AOPEP: variants seen among roughly 807,000 people sequenced by gnomAD.
AOPEP encodes the protein aminopeptidase O (putative), also known as aminopeptidase O.
In AOPEP, 77 loss-of-function variants were observed where a neutral mutation model predicts 98.1. That is an observed-to-expected ratio of 0.78 (90% confidence interval 0.65 to 0.95). The LOEUF is 0.95. Among genes scored for constraint, AOPEP ranks in the 40% least tolerant of loss-of-function variants. AOPEP has a pLI of 0.00. For synonymous variants in AOPEP, 346 were observed against 365.3 expected, an observed-to-expected ratio of 0.95 and a Z score of 0.60; for missense variants, 1,024 against 1,024.7, an observed-to-expected ratio of 1.00 and a Z score of 0.01.
At position 94,933,185 on chromosome 9, in the gene AOPEP, C is replaced by T. The variant is rs2055659362; in HGVS notation, c.1661+4654C>T. 1.3e-5 allele frequency: 13 copies of T among 985,562 alleles called. 1 individual carries two copies. Among genetic ancestry groups the T allele is most frequent in the Non-Finnish European group, 1.3e-5 (11 of 829,986 alleles). 61.1% of individuals were successfully genotyped at this position (985,562 alleles called of 1,614,324 possible). On this transcript the variant is annotated intron_variant, in intron 7 of 16. Transcript: ENST00000375315. ...CTGCCTACAAGGTCCCCTCCTGACT[C>T]GTGCAGCAGTGGTGGCTCTTGCCTG...
chr9:95,120,359 T>C, the AOPEP span, among the ~76,000 whole-genome samples: 1 of 152,160 alleles, frequency 6.6e-6, no homozygotes, highest in Non-Finnish European at 1.5e-5. Flanking sequence ...TTCTGATCTA[T>C]CTATGGCTGT....
intron 1 of AOPEP, among the ~76,000 whole-genome samples, chr9:94,745,396 C>T (rs1734149865): frequency 1.3e-5 from 2 of 152,058 alleles, no homozygotes; most frequent in South Asian, 4.2e-4. Flanking sequence ...CTGCCTCAGC[C>T]TCTGGAGCAG....
rs188415322 is a variant in AOPEP, at chr9:94,818,402, T to G, written c.1364+17400T>G. ...TAAAATAATAGCTCCAGGGAGAAAA[T>G]AAAAATAGGTATGGTGACTTAGCAT... On this transcript the variant is annotated intron_variant, in intron 5 of 16. Transcript: ENST00000375315. Among the ~76,000 whole-genome samples, 11 of 152,212 alleles carry G rather than the reference T, an allele frequency of 7.2e-5. 1 individual carries two copies. In the East Asian group the frequency reaches 1.9e-3, roughly 27 times the overall value.
intron 3 of AOPEP, among the ~76,000 whole-genome samples, chr9:94,787,042 C>A (rs964202886): frequency 5.9e-5 from 9 of 152,146 alleles, no homozygotes; most frequent in African/African-American, 2.2e-4. Context: ...ATCTTGAGCA[C>A]TTAAAGTATG....
chr9:94,847,181 G>GTC (rs1201526989), intron 5 of AOPEP, among the ~76,000 whole-genome samples: 4 of 112,072 alleles, frequency 3.6e-5, no homozygotes, highest in Non-Finnish European at 8.3e-5. Context: ...CTCTCTCTCT[G>GTC]TCTCTGTCTC....
chr9:95,056,101 G>A (rs1564580829), intron 13 of AOPEP, among the ~76,000 whole-genome samples: 1 of 152,134 alleles, frequency 6.6e-6, no homozygotes, highest in Non-Finnish European at 1.5e-5. Flanking sequence ...CCATTGATCC[G>A]CTTTTAGTCT....
At chr9:95,109,099 G>GAGAC in the AOPEP span, among the ~76,000 whole-genome samples, 1 of 152,092 alleles carries the variant, frequency 6.6e-6, no homozygotes, top group Admixed American at 6.5e-5. Flanking sequence ...TTTTTTTGTA[G>GAGAC]AGACAGGGGT....
chr9:94,922,634 T>C (rs1303102759), intron 5 of AOPEP, among the ~76,000 whole-genome samples: 1 of 147,712 alleles, frequency 6.8e-6, no homozygotes, highest in Non-Finnish European at 1.5e-5. Context: ...TCCTTCCTTG[T>C]TTTTTTTTTT....
intron 1 of AOPEP, among the ~76,000 whole-genome samples, chr9:94,731,698 G>T (rs1023612555): frequency 2.0e-5 from 3 of 150,946 alleles, no homozygotes; most frequent in African/African-American, 7.3e-5. Flanking sequence ...GTCTCTCGTT[G>T]GTAAAAGAAA....
At chr9:94,963,804 G>A (rs10993409) in intron 9 of AOPEP, among the ~76,000 whole-genome samples, 11,979 of 152,254 alleles carry the variant, frequency 0.079, 1,186 homozygotes, top group African/African-American at 0.23. Flanking sequence ...AAAGAAAGAA[G>A]ACAGACGAAA....
At position 94,859,725 on chromosome 9, in the gene AOPEP, G is replaced by T. The variant is rs566039833; in HGVS notation, c.1364+58723G>T. Among the ~76,000 whole-genome samples the T allele has an allele frequency of 5.9e-5, 9 of 152,240 alleles. No homozygotes were observed. In the East Asian group the frequency reaches 1.4e-3, roughly 23 times the overall value. On this transcript the variant is annotated intron_variant, in intron 5 of 16. Transcript: ENST00000375315. Reference sequence around the variant, plus strand: ...ATCTGAGTTAAGGGCATGGGCTTTGGGGTCAGCTAACCTGTGTTGGAATCT... The same window carrying T: ...ATCTGAGTTAAGGGCATGGGCTTTGTGGTCAGCTAACCTGTGTTGGAATCT...
chr9:94,866,514 A>G (rs1053289862), intron 5 of AOPEP, among the ~76,000 whole-genome samples: 20 of 152,234 alleles, frequency 1.3e-4, no homozygotes, highest in African/African-American at 4.6e-4. Flanking sequence ...AATGTTTTTA[A>G]TAAACTAATA....
At chr9:95,124,103 C>CA in the AOPEP span, among the ~76,000 whole-genome samples, 6 of 43,540 alleles carry the variant, frequency 1.4e-4, no homozygotes, top group Admixed American at 3.2e-4. Flanking sequence ...AACCTTGTCT[C>CA]AAAAAAAAAA....
At chr9:94,842,722 A>T (rs979294933) in intron 5 of AOPEP, among the ~76,000 whole-genome samples, 2 of 152,288 alleles carry the variant, frequency 1.3e-5, no homozygotes, top group African/African-American at 4.8e-5. Context: ...TTAGAGCAAG[A>T]TTTGTTGACA....
intron 5 of AOPEP, among the ~76,000 whole-genome samples, chr9:94,820,479 G>A (rs1400447106): frequency 6.6e-6 from 1 of 152,080 alleles, no homozygotes; most frequent in Non-Finnish European, 1.5e-5. Flanking sequence ...TATAATATTA[G>A]GCCTTAAAGA....
chr9:94,728,500 C>G (rs369409703), intron 1 of AOPEP, among the ~76,000 whole-genome samples: 1 of 152,116 alleles, frequency 6.6e-6, no homozygotes, highest in Non-Finnish European at 1.5e-5. Flanking sequence ...TCACTGTGCC[C>G]GGTCGAGGAC....
chr9:95,000,657 A>C (rs1384188456), intron 11 of AOPEP, among the ~76,000 whole-genome samples: 7 of 152,216 alleles, frequency 4.6e-5, no homozygotes, highest in Admixed American at 1.3e-4. Context: ...GCAGTGAGCC[A>C]AGATTGCACC....
At chr9:95,099,495 C>T in the AOPEP span, 1 of 228,124 alleles carries the variant, frequency 4.4e-6, no homozygotes, top group Non-Finnish European at 8.7e-6. Context: ...CAGGCTTTGC[C>T]GAAATCGAAG....
At chr9:94,946,174 A>C (rs187515341) in intron 7 of AOPEP, among the ~76,000 whole-genome samples, 200 of 152,334 alleles carry the variant, frequency 1.3e-3, no homozygotes, top group African/African-American at 4.4e-3. Context: ...CATTTAGTTT[A>C]GTTTTTTTGA....
Sources: gnomAD v4.1 joint callset for allele counts (sites outside exome capture counted in the v4.1 genomes callset) on GRCh38, gnomAD v4.1.1 for gene constraint, MANE v1.5 for transcripts, NCBI Gene and HGNC (gene_info 2026-07-23, HGNC 2026-07-21) for gene names.